The following LITAF variants were observed in gnomAD, a reference collection of about 807,000 sequenced individuals.
The protein encoded by LITAF is lipopolysaccharide induced TNF factor, also known as lipopolysaccharide-induced tumor necrosis factor-alpha factor.
Under a neutral mutation model 14.5 loss-of-function variants are expected in LITAF, and 9 were observed. The observed-to-expected ratio is 0.62, with a 90% CI of 0.37 to 1.08. LITAF has a LOEUF of 1.08. Ranked by LOEUF, LITAF falls within the 50% of genes least tolerant of loss-of-function variation. The pLI is 0.01. For synonymous variants in LITAF, 98 were observed against 88.2 expected (o/e 1.11, Z -0.62); for missense variants, 206 against 213.4 (o/e 0.97, Z 0.22).
upstream of LITAF, among the ~76,000 whole-genome samples, chr16:11,638,262 T>C (rs1041858883): frequency 6.6e-6 from 1 of 151,390 alleles, no homozygotes; most frequent in Non-Finnish European, 1.5e-5. Context: ...CCCATAGGTT[T>C]GGGGTGATGA....
chr16:11,594,717 A>G (rs2064871491), intron 1 of LITAF, among the ~76,000 whole-genome samples: 1 of 151,762 alleles, frequency 6.6e-6, no homozygotes, highest in East Asian at 1.9e-4. Flanking sequence ...CTCTACTAAA[A>G]ATACAAAAAT....
At chr16:11,588,633 A>G (rs1233849700), upstream of LITAF, among the ~76,000 whole-genome samples, 3 of 152,064 alleles carry the variant, frequency 2.0e-5, no homozygotes, top group Non-Finnish European at 2.9e-5. Flanking sequence ...AGGAAATTGG[A>G]TTACACCCAA....
At chr16:11,601,803 G>A (rs145250428), upstream of LITAF, among the ~76,000 whole-genome samples, 289 of 152,184 alleles carry the variant, frequency 1.9e-3, no homozygotes, top group Non-Finnish European at 7.4e-4. Flanking sequence ...CAAGTAATCC[G>A]CCTGCCTAGG....
Position 11,553,735 on chromosome 16 carries a change from G to A in LITAF, c.221-46C>T. The stretch of plus-strand genomic sequence containing the variant: ...AAACACAGGTTGCTCAGGAAACAAG[G>A]CCAATAGCATTCACTACAGGACAAA... On this transcript the variant is annotated intron_variant, in intron 2 of 3. Coordinates refer to ENST00000622633, the MANE Select transcript of LITAF (RefSeq NM_001136472.2). The surrounding 1 kb of genome is among the most constrained non-coding windows in gnomAD (Gnocchi z 7.7). 1 of 1,606,758 alleles carries A rather than the reference G, an allele frequency of 6.2e-7. No individual in the cohort carries two copies. The highest frequency in any genetic ancestry group is 2.2e-5 in the East Asian group (1 of 44,830).
At chr16:11,570,347 C>A (rs957118950) in intron 1 of LITAF, among the ~76,000 whole-genome samples, 1 of 152,168 alleles carries the variant, frequency 6.6e-6, no homozygotes, top group African/African-American at 2.4e-5. Context: ...GGGTGACTTT[C>A]CCACAGTCAC....
At chr16:11,611,741 C>G (rs543439840) in intron 3 of LITAF, among the ~76,000 whole-genome samples, 1 of 151,778 alleles carries the variant, frequency 6.6e-6, no homozygotes, top group East Asian at 1.9e-4. Flanking sequence ...CGCCTCACTG[C>G]AATCTCCACC....
At position 11,618,969 on chromosome 16, in the gene LITAF, C is replaced by A. The variant is rs185655727; in HGVS notation, c.85+14564G>T. On this transcript the variant is annotated intron_variant, in intron 3 of 3. Transcript: ENST00000574848. ...CTGCACTCCAGCCTGGGCAACAGAG[C>A]TAGACTCGGTCTTAAAAAAAAAACA... Among the ~76,000 whole-genome samples the A allele has an allele frequency of 1.8e-4, 27 of 148,498 alleles. No homozygotes were observed. In the South Asian group the frequency reaches 4.3e-3, roughly 23 times the overall value.
At chr16:11,600,053 T>C (rs1172740671), upstream of LITAF, among the ~76,000 whole-genome samples, 1 of 152,184 alleles carries the variant, frequency 6.6e-6, no homozygotes, top group African/African-American at 2.4e-5. The surrounding 1 kb of genome is among the most constrained non-coding windows in gnomAD (Gnocchi z 4.1). Context: ...TGGAGTGCAG[T>C]GGCGTGATCA....
intron 3 of LITAF, among the ~76,000 whole-genome samples, chr16:11,620,233 C>T (rs552296934): frequency 2.0e-5 from 3 of 151,786 alleles, no homozygotes; most frequent in African/African-American, 7.3e-5. Flanking sequence ...GGAGGTGGGG[C>T]CTGGTGGGAG....
At chr16:11,582,120 T>C (rs1263378552) in intron 1 of LITAF, among the ~76,000 whole-genome samples, 1 of 152,072 alleles carries the variant, frequency 6.6e-6, no homozygotes, top group African/African-American at 2.4e-5. Context: ...AAATGATAAG[T>C]GTTTGAGGTG....
In LITAF at chr16:11,548,505, C is replaced by A. The variant is rs1486896377; in HGVS notation, c.*1132G>T. 6.6e-6 allele frequency: 3 copies of A among 453,948 alleles called. No homozygotes were observed. The highest frequency in any genetic ancestry group is 4.0e-5 in the African/African-American group (2 of 49,998). The allele number at this position is 453,948 out of a possible 1,614,324, so 28.1% of individuals were successfully genotyped here. On this transcript the variant is annotated 3_prime_UTR_variant, in exon 4 of 4. Transcript: ENST00000622633. ...CACCAGGAAACCAAAACGGACCCCA[C>A]TCTGAGAGTTCCATGATGAAGGTGT... is the stretch of plus-strand genomic sequence containing the variant.
intron 3 of LITAF, among the ~76,000 whole-genome samples, chr16:11,604,003 C>T (rs573516928): frequency 7.3e-4 from 111 of 151,976 alleles, no homozygotes; most frequent in Non-Finnish European, 6.6e-4. Flanking sequence ...GCCAAGATCA[C>T]GCCACTGCAC....
At chr16:11,638,344 A>G (rs951456992), upstream of LITAF, among the ~76,000 whole-genome samples, 1 of 151,868 alleles carries the variant, frequency 6.6e-6, no homozygotes, top group Admixed American at 6.6e-5. Context: ...TCACATGGTA[A>G]CAGCATGATT....
chr16:11,618,989 A>C (rs75537925), intron 3 of LITAF, among the ~76,000 whole-genome samples: 2,595 of 133,026 alleles, frequency 0.02, 67 homozygotes, highest in African/African-American at 0.08. Flanking sequence ...TCTTAAAAAA[A>C]AAACAAAACA....
intron 1 of LITAF, among the ~76,000 whole-genome samples, chr16:11,584,613 T>C (rs2064782314): frequency 6.6e-6 from 1 of 152,200 alleles, no homozygotes; most frequent in Admixed American, 6.6e-5. Context: ...CTGCCACATG[T>C]GCTCAGGCCT....
chr16:11,566,904 G>T (rs1275298333), intron 1 of LITAF, among the ~76,000 whole-genome samples: 1 of 152,204 alleles, frequency 6.6e-6, no homozygotes, highest in Non-Finnish European at 1.5e-5. Flanking sequence ...AGATGTTTAT[G>T]TAATGACAAG....
intron 3 of LITAF, among the ~76,000 whole-genome samples, chr16:11,624,844 G>A (rs756151139): frequency 9.9e-5 from 15 of 152,266 alleles, no homozygotes; most frequent in Non-Finnish European, 2.9e-5. Context: ...AATAGAATAT[G>A]GTAGAAGTGA....
At chr16:11,598,781 G>C (rs1298980457), upstream of LITAF, among the ~76,000 whole-genome samples, 1 of 152,090 alleles carries the variant, frequency 6.6e-6, no homozygotes, top group Non-Finnish European at 1.5e-5. Flanking sequence ...ATGACAATGA[G>C]ATAAAGCAGC....
upstream of LITAF, among the ~76,000 whole-genome samples, chr16:11,600,930 A>G (rs1474341299): frequency 6.6e-6 from 1 of 152,088 alleles, no homozygotes; most frequent in Non-Finnish European, 1.5e-5. This position sits in a 1 kb window ranked among gnomAD's most constrained non-coding sequence, Gnocchi z 4.1. Context: ...TACAAGCTAT[A>G]ATACAGGCAA....
Sources: allele counts gnomAD v4.1 joint callset (sites outside exome capture counted in the v4.1 genomes callset), GRCh38; gene constraint gnomAD v4.1.1; non-coding constraint Gnocchi (gnomAD v3.1); transcripts MANE v1.5; gene names NCBI Gene and HGNC (gene_info 2026-07-23, HGNC 2026-07-21).